The following MCTP1 variants were observed in gnomAD, a reference collection of about 807,000 sequenced individuals.
MCTP1 encodes the protein multiple C2 and transmembrane domain containing 1, also known as multiple C2 and transmembrane domain-containing protein 1.
MCTP1 carries 69 observed loss-of-function variants against 120.6 expected under a neutral mutation model. That is an observed-to-expected ratio of 0.57 (90% CI 0.47 to 0.70). The LOEUF (loss-of-function observed/expected upper bound fraction) is 0.70, where lower values mean the gene tolerates loss of function less well. Ranked by LOEUF, MCTP1 falls within the 30% of genes least tolerant of loss-of-function variation. The probability of loss-of-function intolerance (pLI) is 0.00; values close to 1 mark genes in which losing one functional copy is unlikely to be tolerated. For missense variants in MCTP1, 1,203 were observed against 1,248.8 expected (o/e 0.96, Z 0.55); for synonymous variants, 529 against 493.1 (o/e 1.07, Z -0.96).
At chr5:94,914,305 GA>G (rs1277701857) in intron 8 of MCTP1, among the ~76,000 whole-genome samples, 2 of 152,082 alleles carry the variant, frequency 1.3e-5, no homozygotes, top group Admixed American at 6.5e-5. Flanking sequence ...CTTTCTATCT[GA>G]TCCGTTCTAC....
intron 7 of MCTP1, among the ~76,000 whole-genome samples, chr5:94,919,175 G>A (rs1235080239): frequency 6.6e-6 from 1 of 152,134 alleles, no homozygotes; most frequent in Non-Finnish European, 1.5e-5. Context: ...AATAACCCTA[G>A]CATATGTTAT....
chr5:95,150,210 C>A (rs1316171508), intron 1 of MCTP1, among the ~76,000 whole-genome samples: 1 of 152,164 alleles, frequency 6.6e-6, no homozygotes, highest in African/African-American at 2.4e-5. Context: ...ATTGCATAAC[C>A]TAATAATGAT....
intron 1 of MCTP1, among the ~76,000 whole-genome samples, chr5:95,060,963 A>C (rs1181485193): frequency 6.6e-6 from 1 of 151,302 alleles, no homozygotes; most frequent in Non-Finnish European, 1.5e-5. Flanking sequence ...AAGAAAAGAA[A>C]AGAAAAGAAA....
At chr5:95,015,076 A>G (rs116126764) in intron 2 of MCTP1, among the ~76,000 whole-genome samples, 2,419 of 152,232 alleles carry the variant, frequency 0.016, 60 homozygotes, top group African/African-American at 0.056. Flanking sequence ...ATTTTTAGAC[A>G]TGCTTTTTTA....
At chr5:94,731,436 CTTA>C (rs1004341834) in intron 19 of MCTP1, among the ~76,000 whole-genome samples, 6 of 152,116 alleles carry the variant, frequency 3.9e-5, no homozygotes, top group Non-Finnish European at 5.9e-5. Context: ...AAAAATGTTA[CTTA>C]TTAACATTTT....
intron 1 of MCTP1, among the ~76,000 whole-genome samples, chr5:95,219,628 C>T (rs1753460857): frequency 6.6e-6 from 1 of 152,078 alleles, no homozygotes; most frequent in Non-Finnish European, 1.5e-5. Context: ...TTGGGTGGAC[C>T]ACACAGAGCC....
chr5:94,807,779 AC>A (rs1782662534), intron 17 of MCTP1, among the ~76,000 whole-genome samples: 1 of 152,186 alleles, frequency 6.6e-6, no homozygotes, highest in Non-Finnish European at 1.5e-5. Flanking sequence ...TGACAGTCAT[AC>A]CCAATGAAGA....
intron 19 of MCTP1, among the ~76,000 whole-genome samples, chr5:94,761,142 C>T (rs1771241677): frequency 6.6e-6 from 1 of 152,226 alleles, no homozygotes; most frequent in Non-Finnish European, 1.5e-5. Flanking sequence ...TGTTCTGCAA[C>T]CTCCTTTTAT....
intron 1 of MCTP1, among the ~76,000 whole-genome samples, chr5:95,237,408 G>A (rs546520183): frequency 8.5e-5 from 13 of 152,162 alleles, no homozygotes; most frequent in South Asian, 4.1e-4. Flanking sequence ...CTAGGGACAT[G>A]CGGTGGGTTG....
intron 1 of MCTP1, among the ~76,000 whole-genome samples, chr5:95,039,620 A>C (rs1026988957): frequency 6.6e-6 from 1 of 152,190 alleles, no homozygotes; most frequent in African/African-American, 2.4e-5. Flanking sequence ...CTCAGTAAAC[A>C]AGTCTGTGAT....
chr5:95,105,662 C>CT (rs1757032389), intron 1 of MCTP1, among the ~76,000 whole-genome samples: 1 of 152,024 alleles, frequency 6.6e-6, no homozygotes, highest in Non-Finnish European at 1.5e-5. Context: ...GGTTGGAGCC[C>CT]TAGGAATACT....
chr5:94,727,136 A>G (rs1762289750), intron 19 of MCTP1, among the ~76,000 whole-genome samples: 1 of 152,174 alleles, frequency 6.6e-6, no homozygotes. Flanking sequence ...TCTGAGCTTA[A>G]AAGAGATTTG....
At chr5:94,934,621 T>C (rs1361700828) in intron 5 of MCTP1, among the ~76,000 whole-genome samples, 1 of 151,790 alleles carries the variant, frequency 6.6e-6, no homozygotes, top group Non-Finnish European at 1.5e-5. Flanking sequence ...TTAGATACAA[T>C]AGTAACATAC....
rs141411829 is a variant in MCTP1, at chr5:95,132,258, T to C, written c.721-114774A>G. Among the ~76,000 whole-genome samples, 9 of 152,310 alleles carry C rather than the reference T, an allele frequency of 5.9e-5. No homozygotes were observed. In the East Asian group the frequency reaches 1.4e-3, roughly 23 times the overall value. ...TCAAGAGGAATTTGGCTAATCACAT[T>C]TGACAGTGTTTTGTTTTGCCAGCAC... On this transcript the variant is annotated intron_variant, in intron 1 of 22. Transcript: ENST00000515393.
At chr5:94,929,920 T>C (rs931247876) in intron 6 of MCTP1, among the ~76,000 whole-genome samples, 1 of 152,180 alleles carries the variant, frequency 6.6e-6, no homozygotes, top group African/African-American at 2.4e-5. Context: ...AATATCCCCA[T>C]TAAATTTTTC....
intron 17 of MCTP1, among the ~76,000 whole-genome samples, chr5:94,835,976 C>A (rs934808731): frequency 3.3e-5 from 5 of 151,984 alleles, no homozygotes; most frequent in African/African-American, 1.2e-4. Context: ...TGCACTCCAG[C>A]CTGGGCGACA....
intron 3 of MCTP1, among the ~76,000 whole-genome samples, chr5:94,943,842 A>T (rs887794528): frequency 6.6e-6 from 1 of 152,034 alleles, no homozygotes; most frequent in African/African-American, 2.4e-5. Context: ...CTTTTCAGGT[A>T]GAAAACATTT....
At chr5:94,951,133 T>G (rs1467477718) in intron 3 of MCTP1, among the ~76,000 whole-genome samples, 2 of 152,152 alleles carry the variant, frequency 1.3e-5, no homozygotes, top group Non-Finnish European at 2.9e-5. Flanking sequence ...TCCTTCCAAC[T>G]GTCCAGTGTT....
At chr5:94,987,561 G>C (rs186255360) in intron 2 of MCTP1, among the ~76,000 whole-genome samples, 178 of 152,236 alleles carry the variant, frequency 1.2e-3, no homozygotes, top group Non-Finnish European at 1.5e-3. Flanking sequence ...CAAATCAAAA[G>C]TAAAAGACAG....
Sources: allele counts gnomAD v4.1 joint callset (sites outside exome capture counted in the v4.1 genomes callset), GRCh38; gene constraint gnomAD v4.1.1; transcripts MANE v1.5; gene names NCBI Gene and HGNC (gene_info 2026-07-23, HGNC 2026-07-21).